Variants in EXOC6 observed in about 807,000 individuals in gnomAD.
EXOC6 encodes the protein SEC15-like 1.
EXOC6 carries 60 observed loss-of-function variants against 112.5 expected under a neutral mutation model. That is an observed-to-expected ratio of 0.53 (90% CI 0.43 to 0.66). The LOEUF is 0.66. Ranked by LOEUF, EXOC6 falls within the 30% of genes least tolerant of loss-of-function variation. The pLI is 0.00. For missense variants in EXOC6, 855 were observed against 957.1 expected (o/e 0.89, Z 1.41); for synonymous variants, 295 against 308.0 (o/e 0.96, Z 0.44).
intron 20 of EXOC6, among the ~76,000 whole-genome samples, chr10:93,042,998 G>A (rs986025626): frequency 5.9e-5 from 9 of 151,472 alleles, no homozygotes; most frequent in African/African-American, 1.9e-4. Flanking sequence ...GTGCAGTGGC[G>A]CAATCTTGGC....
chr10:92,989,728 T>C (rs868174891), intron 18 of EXOC6, among the ~76,000 whole-genome samples: 3 of 152,194 alleles, frequency 2.0e-5, no homozygotes, highest in South Asian at 4.1e-4. Flanking sequence ...TAATTCAACA[T>C]ACAGAAGTGA....
At chr10:92,935,690 A>G in intron 11 of EXOC6, 124 bp from the exon 12 acceptor site, 1 of 738,240 alleles carries the variant, frequency 1.4e-6, no homozygotes, top group South Asian at 1.7e-5. Context: ...CAAAATTTTA[A>G]ACTTATTATA....
intron 17 of EXOC6, among the ~76,000 whole-genome samples, chr10:92,963,317 C>T (rs1439149079): frequency 6.6e-6 from 1 of 152,040 alleles, no homozygotes; most frequent in Non-Finnish European, 1.5e-5. Context: ...AGCTTTTTAC[C>T]TAATACTTCA....
intron 18 of EXOC6, among the ~76,000 whole-genome samples, chr10:92,975,713 C>A (rs1197821653): frequency 3.2e-5 from 4 of 123,954 alleles, no homozygotes; most frequent in African/African-American, 6.1e-5. Context: ...CCCCTCTGCC[C>A]GGCCAGCCGC....
chr10:93,031,082 C>T (rs758214304), intron 20 of EXOC6, among the ~76,000 whole-genome samples: 12 of 152,070 alleles, frequency 7.9e-5, no homozygotes, highest in Non-Finnish European at 1.6e-4. Context: ...GCTGTGAGCA[C>T]CTACAGATGC....
intron 1 of EXOC6, among the ~76,000 whole-genome samples, chr10:92,861,454 T>C (rs1847908250): frequency 6.6e-6 from 1 of 152,192 alleles, no homozygotes; most frequent in African/African-American, 2.4e-5. Flanking sequence ...GCCTCTGTTC[T>C]ATGACATCCT....
intron 19 of EXOC6, among the ~76,000 whole-genome samples, chr10:93,008,903 T>C (rs1213097124): frequency 6.6e-6 from 1 of 152,182 alleles, no homozygotes. Context: ...ATTTGCACTG[T>C]TAAATAAATA....
intron 1 of EXOC6, 49 bp downstream of exon 1, chr10:92,848,683 C>A: frequency 7.8e-7 from 1 of 1,276,244 alleles, no homozygotes; most frequent in Non-Finnish European, 1.0e-6. Flanking sequence ...CCACGCCGGC[C>A]GCTCCTCACG....
At position 92,858,022 on chromosome 10, in the gene EXOC6, T is replaced by TC. The variant is rs370524059; in HGVS notation, c.101+9395dup. ...TATGTAAGATTTTTAGTTGACGGGTTCCCCCCCTCCGCCGGCCAGCAGTTT... is the reference window on the plus strand; with the variant it reads ...TATGTAAGATTTTTAGTTGACGGGTTCCCCCCCCTCCGCCGGCCAGCAGTTT... On this transcript the variant is annotated intron_variant, in intron 1 of 21. Transcript: ENST00000260762. Among the ~76,000 whole-genome samples the TC allele has an allele frequency of 5.7e-3, 580 of 101,290 alleles. 87 individuals carry two copies. Among genetic ancestry groups the TC allele is most frequent in the African/African-American group, 0.019 (533 of 27,700 alleles). 66.5% of individuals were successfully genotyped at this position (101,290 alleles called of 152,430 possible). A position where few individuals can be genotyped will look rare whatever the true frequency, so the allele number is the denominator to read the frequency against.
At chr10:92,892,909 TAAC>T (rs1439151734) in intron 1 of EXOC6, among the ~76,000 whole-genome samples, 3 of 152,188 alleles carry the variant, frequency 2.0e-5, no homozygotes, top group Non-Finnish European at 2.9e-5. Context: ...ACAAGGGTAA[TAAC>T]AATACCTACT....
At chr10:92,999,391 A>G (rs1843650710) in intron 19 of EXOC6, 1 of 321,604 alleles carries the variant, frequency 3.1e-6, no homozygotes, top group African/African-American at 2.3e-5. Context: ...GCTGAAAGTA[A>G]TTTTTATTCC....
chr10:92,903,390 C>G (rs1850282239), intron 5 of EXOC6, among the ~76,000 whole-genome samples: 1 of 147,374 alleles, frequency 6.8e-6, no homozygotes, highest in Non-Finnish European at 1.5e-5. Flanking sequence ...TTTTTTTTAC[C>G]ATCAGTGAAA....
In EXOC6 at chr10:92,941,285, C is replaced by G. The variant is rs187631491; in HGVS notation, c.1310+461C>G. ...TTCCTTTTTAAGGCTGACTAATATT[C>G]CATTGTCTTTATATACCACATTTTG... On this transcript the variant is annotated intron_variant, in intron 13 of 21. Transcript: ENST00000260762. 9.9e-4 allele frequency among the ~76,000 whole-genome samples: 151 copies of G among 152,318 alleles called. No homozygotes were observed. The Middle Eastern group carries it at 0.02, about 21-fold the overall frequency.
chr10:92,974,177 T>A lies in EXOC6; in HGVS notation c.1898T>A (p.Leu633Ter). 1.9e-6 allele frequency: 3 copies of A among 1,588,464 alleles called. No homozygotes were observed. Among genetic ancestry groups the A allele is most frequent in the Non-Finnish European group, 2.6e-6 (3 of 1,174,272 alleles). Residue 633 changes from leucine (L) to a stop codon, truncating the protein, a stop_gained, in exon 18 of 22, where the codon TTA (leucine) becomes TAA (stop). Coordinates refer to ENST00000260762, the MANE Select transcript of EXOC6 (RefSeq NM_019053.6). LOFTEE classifies it high-confidence loss of function. ...CCAGATGGAAGAGCTAGTGGTTATT[T>A]AATGGACCTTATAAATTTTTTGAGA... ...SEPDGRASGY[L>*]MDLINFLRSI...
At chr10:92,923,078 G>T (rs9633695) in intron 8 of EXOC6, among the ~76,000 whole-genome samples, 1 of 152,024 alleles carries the variant, frequency 6.6e-6, no homozygotes, top group Non-Finnish European at 1.5e-5. Flanking sequence ...CAGATTACCA[G>T]TGTTGAGATT....
At chr10:92,958,585 C>A (rs80037411) in intron 17 of EXOC6, among the ~76,000 whole-genome samples, 1,571 of 152,256 alleles carry the variant, frequency 0.01, 32 homozygotes, top group African/African-American at 0.036. Context: ...AAATTCTCTT[C>A]TTATGGAGCA....
At chr10:92,924,668 CA>C (rs1447523631) in intron 8 of EXOC6, among the ~76,000 whole-genome samples, 2 of 152,084 alleles carry the variant, frequency 1.3e-5, no homozygotes, top group African/African-American at 2.4e-5. Context: ...AATAGGGGTG[CA>C]TTTTTTAATG....
At chr10:92,953,153 A>C (rs1589900640) in intron 15 of EXOC6, among the ~76,000 whole-genome samples, 1 of 152,154 alleles carries the variant, frequency 6.6e-6, no homozygotes, top group Admixed American at 6.6e-5. Flanking sequence ...ATTATGGCTC[A>C]CTGCAGCCTC....
At chr10:93,020,395 A>G (rs1282809889) in intron 20 of EXOC6, among the ~76,000 whole-genome samples, 3 of 113,746 alleles carry the variant, frequency 2.6e-5, no homozygotes, top group African/African-American at 1.1e-4. Context: ...GATTCAAACC[A>G]TAATAATAAT....
Sources: gnomAD v4.1 joint callset for allele counts (sites outside exome capture counted in the v4.1 genomes callset) on GRCh38, gnomAD v4.1.1 for gene constraint, MANE v1.5 for transcripts, NCBI Gene and HGNC (gene_info 2026-07-23, HGNC 2026-07-21) for gene names.